PARVA: variants seen among roughly 807,000 people sequenced by gnomAD.
PARVA encodes the protein alpha-parvin.
A neutral mutation model predicts 52.6 loss-of-function variants in PARVA; 25 were observed. The ratio of observed to expected loss-of-function variants is 0.48; its 90% CI spans 0.35 to 0.66. PARVA has a LOEUF of 0.66. PARVA is among the 30% of genes least tolerant of loss of function. The pLI is 0.01. For missense variants in PARVA, 373 were observed against 450.9 expected (o/e 0.83, Z 1.56); for synonymous variants, 185 against 179.1 (o/e 1.03, Z -0.26).
At chr11:12,385,880 G>T (rs1457273655) in intron 1 of PARVA, among the ~76,000 whole-genome samples, 1 of 152,174 alleles carries the variant, frequency 6.6e-6, no homozygotes, top group East Asian at 1.9e-4. Flanking sequence ...GCCTGCACAT[G>T]ACCCAAGGGC....
intron 1 of PARVA, among the ~76,000 whole-genome samples, chr11:12,384,426 C>T (rs999790545): frequency 3.3e-5 from 5 of 152,208 alleles, no homozygotes; most frequent in Non-Finnish European, 7.3e-5. Context: ...AAAACTCTTG[C>T]CTTCCTGGAG....
intron 5 of PARVA, among the ~76,000 whole-genome samples, chr11:12,501,873 T>A (rs1483547437): frequency 1.5e-5 from 2 of 136,266 alleles, no homozygotes; most frequent in Non-Finnish European, 3.2e-5. Flanking sequence ...GTGTACAATG[T>A]CACCAGGGTA....
chr11:12,475,410 C>G (rs1940998704), intron 3 of PARVA, among the ~76,000 whole-genome samples: 1 of 152,200 alleles, frequency 6.6e-6, no homozygotes, highest in Non-Finnish European at 1.5e-5. Context: ...TTCTCTGTCT[C>G]CTTTACTAAA....
chr11:12,470,276 A>C (rs538650579), intron 1 of PARVA, among the ~76,000 whole-genome samples: 3 of 152,328 alleles, frequency 2.0e-5, no homozygotes, highest in African/African-American at 7.2e-5. Flanking sequence ...GAGTGCTTAC[A>C]ATGCTTGAGG....
chr11:12,400,607 A>T (rs1452110494), intron 1 of PARVA, among the ~76,000 whole-genome samples: 2 of 150,364 alleles, frequency 1.3e-5, no homozygotes, highest in Non-Finnish European at 3.0e-5. Context: ...TAGCAAGTGT[A>T]TGGGACTTTT....
intron 1 of PARVA, among the ~76,000 whole-genome samples, chr11:12,389,390 C>T (rs1011083156): frequency 1.3e-5 from 2 of 152,136 alleles, no homozygotes; most frequent in Non-Finnish European, 2.9e-5. Context: ...TCTGAGCCCT[C>T]GCCACTCCTG....
At chr11:12,518,579 C>A in intron 12 of PARVA, 62 bp downstream of exon 12, 1 of 1,226,808 alleles carries the variant, frequency 8.2e-7, no homozygotes, top group Non-Finnish European at 1.2e-6. Flanking sequence ...CACATGAGTA[C>A]TCAGATTTTG....
intron 1 of PARVA, among the ~76,000 whole-genome samples, chr11:12,418,973 G>T (rs1240289487): frequency 2.0e-5 from 3 of 152,128 alleles, no homozygotes; most frequent in African/African-American, 7.2e-5. Context: ...AATCCCATTT[G>T]CAGATGAGTA....
At chr11:12,423,159 T>C (rs1363602354) in intron 1 of PARVA, among the ~76,000 whole-genome samples, 2 of 151,640 alleles carry the variant, frequency 1.3e-5, no homozygotes, top group African/African-American at 4.8e-5. Flanking sequence ...TAGCCAGATG[T>C]TTTGTTACTT....
At chr11:12,428,355 GAC>G (rs1164513997) in intron 1 of PARVA, among the ~76,000 whole-genome samples, 1 of 152,136 alleles carries the variant, frequency 6.6e-6, no homozygotes, top group Non-Finnish European at 1.5e-5. Flanking sequence ...AAGAAGAGAA[GAC>G]ACAGCAGATC....
intron 7 of PARVA, among the ~76,000 whole-genome samples, chr11:12,509,867 C>T (rs566807679): frequency 5.9e-5 from 9 of 152,222 alleles, no homozygotes; most frequent in African/African-American, 1.9e-4. Context: ...ACTGTCCCAC[C>T]GCCCACCACC....
chr11:12,453,282 A>G (rs936488789), intron 1 of PARVA, among the ~76,000 whole-genome samples: 5 of 152,136 alleles, frequency 3.3e-5, no homozygotes, highest in African/African-American at 1.2e-4. Flanking sequence ...GAAGATGAAC[A>G]AAGAAATGAA....
chr11:12,520,157 A>G (rs919976515), intron 12 of PARVA, among the ~76,000 whole-genome samples: 8 of 151,946 alleles, frequency 5.3e-5, no homozygotes, highest in African/African-American at 1.9e-4. Context: ...TTTTTATGCA[A>G]TTATTAAGTT....
chr11:12,461,253 G>A (rs1940776068), intron 1 of PARVA, among the ~76,000 whole-genome samples: 1 of 152,156 alleles, frequency 6.6e-6, no homozygotes, highest in Admixed American at 6.5e-5. Flanking sequence ...GCTCCACCCT[G>A]GCTGTCCTTG....
At chr11:12,487,691 T>C (rs1941177648) in intron 4 of PARVA, among the ~76,000 whole-genome samples, 1 of 152,216 alleles carries the variant, frequency 6.6e-6, no homozygotes, top group South Asian at 2.1e-4. Context: ...GAAAGAGTTA[T>C]TTTCTCATCT....
chr11:12,463,807 A>G (rs1489257480), intron 1 of PARVA, among the ~76,000 whole-genome samples: 1 of 152,174 alleles, frequency 6.6e-6, no homozygotes, highest in Non-Finnish European at 1.5e-5. Flanking sequence ...TATTTATATC[A>G]CTATGGATTC....
At chr11:12,518,941 CTCTG>C (rs1428891507) in intron 12 of PARVA, among the ~76,000 whole-genome samples, 2 of 152,202 alleles carry the variant, frequency 1.3e-5, no homozygotes, top group African/African-American at 4.8e-5. Context: ...CCTGCTCAGA[CTCTG>C]TCTGAGGACA....
chr11:12,507,696 G>T (rs1004204264), intron 6 of PARVA, among the ~76,000 whole-genome samples: 2 of 152,104 alleles, frequency 1.3e-5, no homozygotes. Context: ...TCTGCCGAGG[G>T]TGACCACGTA....
rs1159284017 is a variant in PARVA at position 12,377,630 on chromosome 11, G to A, written c.-18G>A. On this transcript the variant is annotated 5_prime_UTR_variant, in exon 1 of 13. Coordinates refer to ENST00000334956, the MANE Select transcript of PARVA (RefSeq NM_018222.5). ...CAGCTCCGCGTCCCGACCGGCCCGC[G>A]GCAGCCTGCGCCGCGCCATGGCCAC... is the stretch of plus-strand genomic sequence containing the variant. The A allele has an allele frequency of 8.3e-6, 13 of 1,564,774 alleles. No homozygotes were observed. Among genetic ancestry groups the A allele is most frequent in the Non-Finnish European group, 1.0e-5 (12 of 1,161,380 alleles).
Sources: allele counts gnomAD v4.1 joint callset (sites outside exome capture counted in the v4.1 genomes callset), GRCh38; gene constraint gnomAD v4.1.1; transcripts MANE v1.5; gene names NCBI Gene and HGNC (gene_info 2026-07-23, HGNC 2026-07-21).